Variants in NDC1 observed in about 807,000 individuals in gnomAD.
The protein encoded by NDC1 is NDC1 transmembrane nucleoporin, also known as nucleoporin NDC1.
Under a neutral mutation model 89.8 loss-of-function variants are expected in NDC1, and 24 were observed. That is an observed-to-expected ratio of 0.27 (90% confidence interval 0.19 to 0.38). NDC1 has a LOEUF of 0.38. Among genes scored for constraint, NDC1 ranks in the 10% least tolerant of loss-of-function variants. The pLI is 1.00. For synonymous variants in NDC1, 296 were observed against 284.8 expected (o/e 1.04, Z -0.39); for missense variants, 728 against 797.6 (o/e 0.91, Z 1.05).
rs532433280 is a variant in NDC1, at chr1:53,772,318, G to A, written c.1961+11C>T. On this transcript the variant is annotated intron_variant, in intron 17 of 17. Transcript: ENST00000371429. ...ATAGGTATCATCATGGATCAAAACAGGTAAACTTACTTCAGATGTTCACCA... is the reference window on the plus strand; with the variant it reads ...ATAGGTATCATCATGGATCAAAACAAGTAAACTTACTTCAGATGTTCACCA... 3.9e-5 allele frequency: 63 copies of A among 1,612,666 alleles called. No individual in the cohort carries two copies. Among genetic ancestry groups the A allele is most frequent in the Non-Finnish European group, 5.0e-5 (59 of 1,179,026 alleles).
chr1:53,828,531 G>A (rs887743917), intron 3 of NDC1, among the ~76,000 whole-genome samples: 2 of 151,912 alleles, frequency 1.3e-5, no homozygotes, highest in Non-Finnish European at 2.9e-5. Context: ...TACTGTAATG[G>A]TCTTGCAGTG....
At chr1:53,822,759 A>ATTC (rs956243558) in intron 5 of NDC1, among the ~76,000 whole-genome samples, 2 of 152,138 alleles carry the variant, frequency 1.3e-5, no homozygotes, top group African/African-American at 4.8e-5. Context: ...AAACATACTC[A>ATTC]GACTGTCTGG....
chr1:53,828,272 G>T, intron 3 of NDC1, 99 bp from the exon 4 acceptor site: 2 of 1,126,820 alleles, frequency 1.8e-6, no homozygotes, highest in Non-Finnish European at 1.2e-6. Flanking sequence ...TGTTCCAAAG[G>T]CAGAGAGAAA....
chr1:53,828,849 T>C (rs1648962932), intron 3 of NDC1, among the ~76,000 whole-genome samples: 1 of 151,918 alleles, frequency 6.6e-6, no homozygotes, highest in African/African-American at 2.4e-5. Context: ...TGACCTCAGG[T>C]GATCCACCCA....
chr1:53,828,366 C>T (rs1329675153), intron 3 of NDC1, among the ~76,000 whole-genome samples, 193 bp from the exon 4 acceptor site: 1 of 151,990 alleles, frequency 6.6e-6, no homozygotes, highest in African/African-American at 2.4e-5. Context: ...CATGAATAAA[C>T]AGACACAAAA....
chr1:53,829,422 T>C (rs1648979731), intron 3 of NDC1, among the ~76,000 whole-genome samples: 2 of 152,220 alleles, frequency 1.3e-5, no homozygotes, highest in South Asian at 4.1e-4. Flanking sequence ...TTTCCTTCTT[T>C]GTCTACTTAA....
At chr1:53,838,178 G>C in intron 1 of NDC1, 27 bp downstream of exon 1, 1 of 1,529,266 alleles carries the variant, frequency 6.5e-7, no homozygotes, top group Non-Finnish European at 8.8e-7. Flanking sequence ...CCCTGGCAGT[G>C]CGTGCCACAG....
At chr1:53,771,707 G>A (rs1362437751) in intron 17 of NDC1, among the ~76,000 whole-genome samples, 3 of 152,124 alleles carry the variant, frequency 2.0e-5, no homozygotes. Context: ...GTCTTCTAAA[G>A]TTCATTTATA....
At chr1:53,825,695 T>C in intron 5 of NDC1, 103 bp downstream of exon 5, 1 of 980,034 alleles carries the variant, frequency 1.0e-6, no homozygotes, top group South Asian at 1.9e-5. Flanking sequence ...GTGTTGGTTA[T>C]CAAATCTTGA....
rs537028529 is a variant in NDC1 at position 53,791,974 on chromosome 1, G to A, written c.1635+1255C>T. Reference sequence around the variant, plus strand: ...TTTTTTTTTTTTGAGACGGCGTCTCGCTCTTTCACCCAGGCCGGACTCCAG... The same window carrying A: ...TTTTTTTTTTTTGAGACGGCGTCTCACTCTTTCACCCAGGCCGGACTCCAG... On this transcript the variant is annotated intron_variant, in intron 14 of 17. Coordinates refer to ENST00000371429, the MANE Select transcript of NDC1 (RefSeq NM_018087.5). 2.8e-3 allele frequency among the ~76,000 whole-genome samples: 420 copies of A among 149,050 alleles called. 1 individual carries two copies. Among genetic ancestry groups the A allele is most frequent in the African/African-American group, 9.9e-3 (400 of 40,410 alleles).
chr1:53,831,533 C>T (rs901585666), intron 3 of NDC1, among the ~76,000 whole-genome samples: 2 of 151,662 alleles, frequency 1.3e-5, no homozygotes, highest in Non-Finnish European at 2.9e-5. Context: ...ATTAGCCGGG[C>T]GTGGTGGCGC....
chr1:53,838,140 G>A, intron 1 of NDC1, 65 bp downstream of exon 1: 7 of 1,459,560 alleles, frequency 4.8e-6, no homozygotes, highest in Non-Finnish European at 6.5e-6. Context: ...GCGCGCACGC[G>A]CGATCAGAGC....
At chr1:53,828,372 C>CA (rs747113856) in intron 3 of NDC1, among the ~76,000 whole-genome samples, 199 bp from the exon 4 acceptor site, 11 of 151,954 alleles carry the variant, frequency 7.2e-5, no homozygotes, top group Admixed American at 2.6e-4. Flanking sequence ...TAAACAGACA[C>CA]AAAAAAACCC....
At chr1:53,831,669 C>T (rs572153593) in intron 3 of NDC1, among the ~76,000 whole-genome samples, 53 of 148,902 alleles carry the variant, frequency 3.6e-4, no homozygotes, top group Admixed American at 3.2e-3. Context: ...GAGACTCTGT[C>T]TCAAAAAAAA....
chr1:53,832,730 A>C, intron 2 of NDC1, 139 bp from the exon 3 acceptor site: 2 of 572,404 alleles, frequency 3.5e-6, no homozygotes, highest in Non-Finnish European at 3.1e-6. Context: ...TTAATTGTAC[A>C]CCACTGACAG....
intron 16 of NDC1, among the ~76,000 whole-genome samples, chr1:53,775,548 C>T (rs890166311): frequency 3.9e-5 from 6 of 152,226 alleles, no homozygotes; most frequent in African/African-American, 7.2e-5. Flanking sequence ...CATGAGCTAC[C>T]GCACCTGGCT....
chr1:53,774,658 G>GCAGGAGGACTGCTTGAAGC (rs1297965353), intron 16 of NDC1, among the ~76,000 whole-genome samples: 4 of 152,182 alleles, frequency 2.6e-5, no homozygotes, highest in Admixed American at 2.6e-4. Context: ...GGAGGCTGAG[G>GCAGGAGGACTGCTTGAAGC]CAGGAGGACT....
intron 16 of NDC1, among the ~76,000 whole-genome samples, chr1:53,782,282 A>G (rs1647217200): frequency 3.3e-5 from 5 of 152,310 alleles, no homozygotes. Flanking sequence ...AACTCAGTTG[A>G]GAGTCCATAG....
rs557284417 is a variant in NDC1 at position 53,833,021 on chromosome 1, G to C, written c.179-430C>G. Among the ~76,000 whole-genome samples the C allele has an allele frequency of 4.6e-5, 7 of 151,942 alleles. No individual in the cohort carries two copies. The South Asian group carries it at 1.5e-3, about 32-fold the overall frequency. The stretch of plus-strand genomic sequence containing the variant: ...AGAAAGACCTTGTTTCAAAAACAAA[G>C]GGGGGGAGAAAAAAGGAGTTACAGT... On this transcript the variant is annotated intron_variant, in intron 2 of 17. Coordinates refer to ENST00000371429, the MANE Select transcript of NDC1 (RefSeq NM_018087.5).
Sources: gnomAD v4.1 joint callset for allele counts (sites outside exome capture counted in the v4.1 genomes callset) on GRCh38, gnomAD v4.1.1 for gene constraint, MANE v1.5 for transcripts, NCBI Gene and HGNC (gene_info 2026-07-23, HGNC 2026-07-21) for gene names.